Variants in GPC3 observed in about 807,000 individuals in gnomAD.
GPC3 encodes glypican 3.
GPC3 carries 3 observed loss-of-function variants against 34.4 expected under a neutral mutation model. That is an observed-to-expected ratio of 0.09 (90% confidence interval 0.04 to 0.23). GPC3 has a LOEUF of 0.23. GPC3 is among the 10% of genes least tolerant of loss of function. GPC3 has a pLI of 1.00. For synonymous variants in GPC3, 177 were observed against 174.0 expected (o/e 1.02, Z -0.13); for missense variants, 351 against 445.6 (o/e 0.79, Z 1.91).
intron 3 of GPC3, among the ~76,000 whole-genome samples, chrX:133,741,153 A>G (rs2071560953): frequency 9.1e-6 from 1 of 109,997 alleles, no homozygotes; most frequent in Non-Finnish European, 1.9e-5. Context: ...CCATGTTAAG[A>G]CAGAATGAGA....
intron 3 of GPC3, among the ~76,000 whole-genome samples, chrX:133,735,403 C>T (rs2071501373): frequency 9.0e-6 from 1 of 111,197 alleles, no homozygotes; most frequent in Non-Finnish European, 1.9e-5. Flanking sequence ...AAAAGGATAT[C>T]CACATATAGA....
intron 2 of GPC3, among the ~76,000 whole-genome samples, chrX:133,803,726 C>G (rs2075621830): frequency 9.0e-6 from 1 of 111,590 alleles, no homozygotes; most frequent in Non-Finnish European, 1.9e-5. Flanking sequence ...ATTTATTGAA[C>G]TTCATTTAGG....
At chrX:133,732,455 T>C (rs1269709289) in intron 3 of GPC3, among the ~76,000 whole-genome samples, 2 of 111,438 alleles carry the variant, frequency 1.8e-5, no homozygotes, top group Non-Finnish European at 1.9e-5. Context: ...AGGATAGGCA[T>C]GGAATTAATT....
intron 2 of GPC3, among the ~76,000 whole-genome samples, chrX:133,853,054 T>C (rs1176412458): frequency 9.8e-6 from 1 of 102,543 alleles, no homozygotes; most frequent in Non-Finnish European, 2.0e-5. Context: ...AGAGGCAGCA[T>C]GGAGTATTAG....
At chrX:133,851,116 C>T (rs1373741224) in intron 2 of GPC3, among the ~76,000 whole-genome samples, 3 of 111,092 alleles carry the variant, frequency 2.7e-5, no homozygotes, top group Non-Finnish European at 5.7e-5. Flanking sequence ...AACAAACAAA[C>T]AAATAATAAT....
intron 5 of GPC3, among the ~76,000 whole-genome samples, chrX:133,669,503 T>C (rs1284244809): frequency 8.9e-6 from 1 of 112,146 alleles, no homozygotes; most frequent in East Asian, 2.8e-4. Flanking sequence ...TCTGTGCCAC[T>C]GGAGCACGTG....
intron 5 of GPC3, among the ~76,000 whole-genome samples, chrX:133,682,396 C>T (rs993659896): frequency 1.8e-5 from 2 of 111,759 alleles, no homozygotes; most frequent in African/African-American, 6.5e-5. Context: ...CACATTATTT[C>T]CCAAAAAAAA....
intron 6 of GPC3, among the ~76,000 whole-genome samples, chrX:133,632,289 G>A (rs1171889717): frequency 1.8e-5 from 2 of 110,283 alleles, no homozygotes; most frequent in Non-Finnish European, 3.8e-5. Context: ...TAGTAAAAAC[G>A]GGGTTTCGCC....
intron 2 of GPC3, among the ~76,000 whole-genome samples, chrX:133,833,522 T>C (rs1374608841): frequency 1.8e-5 from 2 of 110,907 alleles, no homozygotes; most frequent in Non-Finnish European, 3.8e-5. Context: ...CTGCACTAAG[T>C]GGAAAAGATA....
chrX:133,963,485 T>C (rs1053292672), intron 1 of GPC3, among the ~76,000 whole-genome samples: 2 of 111,940 alleles, frequency 1.8e-5, no homozygotes, highest in Non-Finnish European at 3.8e-5. Context: ...AACACATGCC[T>C]CCATTTCCTG....
At chrX:133,869,393 C>T (rs185722747) in intron 2 of GPC3, among the ~76,000 whole-genome samples, 2 of 111,727 alleles carry the variant, frequency 1.8e-5, no homozygotes, top group Non-Finnish European at 3.8e-5. Flanking sequence ...ACAACTTCAC[C>T]GAAAGCGCAC....
chrX:133,798,058 C>A (rs768579673), intron 2 of GPC3, among the ~76,000 whole-genome samples: 1 of 111,848 alleles, frequency 8.9e-6, no homozygotes, highest in East Asian at 2.8e-4. Flanking sequence ...TCTTACAATG[C>A]TTCTTTAACA....
At chrX:133,718,362 C>T (rs1009666992) in intron 3 of GPC3, among the ~76,000 whole-genome samples, 1 of 110,908 alleles carries the variant, frequency 9.0e-6, no homozygotes, top group Non-Finnish European at 1.9e-5. Flanking sequence ...TGGTATTAAT[C>T]CAAATTAGAT....
chrX:133,545,622 G>C (rs752710658), intron 7 of GPC3, among the ~76,000 whole-genome samples: 4 of 111,573 alleles, frequency 3.6e-5, no homozygotes, highest in Non-Finnish European at 5.6e-5. Flanking sequence ...GACTGTGCCT[G>C]GGGTGCATGG....
At chrX:133,832,166 G>C (rs1307861092) in intron 2 of GPC3, among the ~76,000 whole-genome samples, 4 of 110,990 alleles carry the variant, frequency 3.6e-5, no homozygotes, top group African/African-American at 1.3e-4. Flanking sequence ...TATAGTCCCA[G>C]CTACTCAGGA....
intron 4 of GPC3, among the ~76,000 whole-genome samples, 156 bp from the exon 5 acceptor site, chrX:133,692,650 GT>G (rs1398040141): frequency 9.0e-6 from 1 of 111,687 alleles, no homozygotes; most frequent in Non-Finnish European, 1.9e-5. Context: ...CCACAGTTTA[GT>G]TTTTTTTTAA....
intron 2 of GPC3, among the ~76,000 whole-genome samples, chrX:133,886,776 T>A (rs1201613789): frequency 1.8e-5 from 2 of 112,356 alleles, no homozygotes; most frequent in African/African-American, 6.5e-5. Context: ...ATGATATAAT[T>A]TCCCTCTTCT....
intron 6 of GPC3, among the ~76,000 whole-genome samples, chrX:133,632,890 G>A (rs370258021): frequency 9.0e-6 from 1 of 111,365 alleles, no homozygotes; most frequent in East Asian, 2.8e-4. Context: ...GTGTGTCTGT[G>A]TGTGTGCACG....
chrX:133,589,323 T>C (rs913684509), intron 7 of GPC3, among the ~76,000 whole-genome samples: 2 of 111,469 alleles, frequency 1.8e-5, no homozygotes, highest in Non-Finnish European at 3.8e-5. Flanking sequence ...CCCCATACCG[T>C]TCTTGTGGTA....
Sources: gnomAD v4.1 joint callset for allele counts (sites outside exome capture counted in the v4.1 genomes callset) on GRCh38, gnomAD v4.1.1 for gene constraint, MANE v1.5 for transcripts, NCBI Gene and HGNC (gene_info 2026-07-23, HGNC 2026-07-21) for gene names.